The following ADGRF3 variants were observed in gnomAD, a reference collection of about 807,000 sequenced individuals.
ADGRF3 encodes adhesion G protein-coupled receptor F3.
ADGRF3 carries 85 observed loss-of-function variants against 93.2 expected under a neutral mutation model. The ratio of observed to expected loss-of-function variants is 0.91; its 90% CI spans 0.77 to 1.09. The LOEUF (loss-of-function observed/expected upper bound fraction) is 1.09. Among genes scored for constraint, ADGRF3 ranks in the 50% least tolerant of loss-of-function variants. The pLI, the probability that ADGRF3 is intolerant of heterozygous loss-of-function variation, is 0.00. For synonymous variants in ADGRF3, 534 were observed against 532.5 expected (o/e 1.00, Z -0.04); for missense variants, 1,125 against 1,246.2 (o/e 0.90, Z 1.46).
rs376862993 is a variant in ADGRF3 at position 26,346,206 on chromosome 2, G to T, written c.29C>A (p.Ser10Ter). MTTRKLSAH[S>*]AATPGYKAVT... ...AGCCTTGTAGCCGGGAGTCGCTGCC[G>T]AGTGGGCGCTCAGTTTTCGGGTCGT... Residue 10 changes from serine (S) to a stop codon, truncating the protein, a stop_gained, in exon 1 of 14, where the codon TCG (serine) becomes TAG (stop). Transcript: ENST00000651242. LOFTEE classifies it high-confidence loss of function. 1.9e-6 allele frequency: 3 copies of T among 1,613,582 alleles called. No individual in the cohort carries two copies. The highest frequency in any genetic ancestry group is 2.2e-5 in the South Asian group (2 of 91,024).
chr2:26,319,966 T>G (rs1224593001), intron 1 of ADGRF3, among the ~76,000 whole-genome samples: 1 of 152,210 alleles, frequency 6.6e-6, no homozygotes, highest in Non-Finnish European at 1.5e-5. Flanking sequence ...TAAAATAATT[T>G]TAAACTGCGG....
chr2:26,328,018 G>A (rs1317951799), intron 1 of ADGRF3, among the ~76,000 whole-genome samples: 1 of 152,112 alleles, frequency 6.6e-6, no homozygotes, highest in African/African-American at 2.4e-5. Flanking sequence ...TAGAAAAGTG[G>A]TCATTATATT....
In ADGRF3 at chr2:26,346,448, C is replaced by T. The variant is rs957855031; in HGVS notation, c.-214G>A. On this transcript the variant is annotated 5_prime_UTR_variant, in exon 1 of 14. Coordinates refer to ENST00000651242, the MANE Select transcript of ADGRF3 (RefSeq NM_001321971.2). ...CCTGCGGGTCCTGGGGATTGGGGGT[C>T]GGGGAGCGTGGGAGCATCCTAAGCC... 1.0e-5 allele frequency: 9 copies of T among 900,570 alleles called. No individual in the cohort carries two copies. The highest frequency in any genetic ancestry group is 1.4e-5 in the Non-Finnish European group (9 of 632,088). 55.8% of individuals were successfully genotyped at this position (900,570 alleles called of 1,614,324 possible). A position where few individuals can be genotyped will look rare whatever the true frequency, so the allele number is the denominator to read the frequency against.
At chr2:26,334,217 G>T (rs906657075) in intron 1 of ADGRF3, among the ~76,000 whole-genome samples, 1 of 151,352 alleles carries the variant, frequency 6.6e-6, no homozygotes, top group African/African-American at 2.4e-5. Context: ...CTACTTGGGA[G>T]GCTAAGGCAG....
chr2:26,320,163 A>G (rs1675066266), intron 1 of ADGRF3, among the ~76,000 whole-genome samples: 7 of 152,236 alleles, frequency 4.6e-5, no homozygotes, highest in Admixed American at 2.0e-4. Context: ...AAAATAGGCA[A>G]AAGATGGGAA....
chr2:26,313,965 G>C (rs1362943058), intron 6 of ADGRF3, 62 bp from the exon 7 acceptor site: 3 of 1,585,518 alleles, frequency 1.9e-6, no homozygotes, highest in African/African-American at 1.3e-5. Flanking sequence ...AACCCAGCAG[G>C]CTCTGACATG....
intron 1 of ADGRF3, chr2:26,319,112 G>T (rs982159311): frequency 2.0e-6 from 3 of 1,506,624 alleles, no homozygotes; most frequent in Non-Finnish European, 2.7e-6. Context: ...AGCTGGCAGG[G>T]CAGTGTGCAG....
At chr2:26,345,384 C>A (rs2147936134) in intron 1 of ADGRF3, among the ~76,000 whole-genome samples, 1 of 152,268 alleles carries the variant, frequency 6.6e-6, no homozygotes, top group East Asian at 1.9e-4. Context: ...ACTGAGAGAT[C>A]ACTGCTTTTA....
At chr2:26,317,193 G>A (rs1674778357) in intron 2 of ADGRF3, 138 bp from the exon 3 acceptor site, 1 of 918,072 alleles carries the variant, frequency 1.1e-6, no homozygotes, top group Admixed American at 2.8e-5. Context: ...GGTGCATATA[G>A]ACAGGGCTCA....
In ADGRF3 at chr2:26,313,450, G is replaced by A. The variant is rs1188403415; in HGVS notation, c.1196C>T (p.Ala399Val). 6.2e-7 allele frequency: 1 copy of A among 1,610,576 alleles called. No homozygotes were observed. Among genetic ancestry groups the A allele is most frequent in the Non-Finnish European group, 8.5e-7 (1 of 1,178,540 alleles). Residue 399 changes from alanine (A) to valine (V), a missense_variant, in exon 8 of 14, where the codon GCT becomes GTT. Coordinates refer to ENST00000651242, the MANE Select transcript of ADGRF3 (RefSeq NM_001321971.2). Reference sequence around the variant, plus strand: ...GTGGACCGGCCCCCAGACTCCGTCAGCCCCACAGAGCCTCCTCACTATGCC... The same window carrying A: ...GTGGACCGGCCCCCAGACTCCGTCAACCCCACAGAGCCTCCTCACTATGCC... ...KRGIVRRLCG[A>V]DGVWGPVHSS...
In ADGRF3 at chr2:26,346,245, G is replaced by A. The variant is rs774404691; in HGVS notation, c.-11C>T. ...TTTTCGGGTCGTCATGGCTGGCTAC[G>A]AATACGTGAGCCCGGAGCAGCTGGC... On this transcript the variant is annotated 5_prime_UTR_variant, in exon 1 of 14. Coordinates refer to ENST00000651242, the MANE Select transcript of ADGRF3 (RefSeq NM_001321971.2). 6 of 1,613,610 alleles carry A rather than the reference G, an allele frequency of 3.7e-6. No homozygotes were observed. Among genetic ancestry groups the A allele is most frequent in the Non-Finnish European group, 5.1e-6 (6 of 1,179,630 alleles).
rs1674034764 is a variant in ADGRF3, at chr2:26,310,931, C to A, written c.2593G>T (p.Val865Leu). 6.2e-7 allele frequency: 1 copy of A among 1,613,360 alleles called. No homozygotes were observed. Among genetic ancestry groups the A allele is most frequent in the South Asian group, 1.1e-5 (1 of 90,982 alleles). ...CCATTCACGCCTATGATGGCCAGCA[C>A]TGGCCCCACGAAGGTGTATAACGCC... is the stretch of plus-strand genomic sequence containing the variant. ...GGALYTFVGP[V>L]LAIIGVNGLV... The change falls in exon 10 of 14, where the codon GTG becomes TTG. Residue 865 changes from valine (V) to leucine (L), a missense_variant. By Grantham distance (32) the Val-to-Leu change is conservative. Transcript: ENST00000651242.
intron 1 of ADGRF3, among the ~76,000 whole-genome samples, chr2:26,331,630 G>A (rs1313741241): frequency 2.6e-5 from 4 of 152,170 alleles, no homozygotes; most frequent in Non-Finnish European, 5.9e-5. Flanking sequence ...CTTGGGAGGC[G>A]GAGGTGGGAG....
intron 4 of ADGRF3, 27 bp from the exon 5 acceptor site, chr2:26,315,767 C>G (rs1674597571): frequency 6.4e-7 from 1 of 1,550,396 alleles, no homozygotes; most frequent in Non-Finnish European, 8.7e-7. Context: ...GACAGGGGAC[C>G]CTGGAGGAGG....
At chr2:26,344,443 CG>C (rs1217652798) in intron 1 of ADGRF3, among the ~76,000 whole-genome samples, 3 of 152,110 alleles carry the variant, frequency 2.0e-5, no homozygotes, top group African/African-American at 7.2e-5. Context: ...CGCGCCTGGC[CG>C]AGACTCTCAT....
At chr2:26,312,184 A>G in intron 9 of ADGRF3, 110 bp from the exon 10 acceptor site, 1 of 1,103,482 alleles carries the variant, frequency 9.1e-7, no homozygotes, top group South Asian at 1.5e-5. Flanking sequence ...CCAGTGTGCG[A>G]CCCAAGGTTG....
At position 26,346,495 on chromosome 2, in the gene ADGRF3, C is replaced by G; in HGVS notation, c.-261G>C. On this transcript the variant is annotated 5_prime_UTR_variant, in exon 1 of 14. Coordinates refer to ENST00000651242, the MANE Select transcript of ADGRF3 (RefSeq NM_001321971.2). ...AGCCCGCCGCCCGTAGTCGGCACCCCCCGGGAGATTTCCTTTTCCTTAGGA... is the reference window on the plus strand; with the variant it reads ...AGCCCGCCGCCCGTAGTCGGCACCCGCCGGGAGATTTCCTTTTCCTTAGGA... 1.9e-6 allele frequency: 1 copy of G among 532,700 alleles called. No homozygotes were observed. Among genetic ancestry groups the G allele is most frequent in the Non-Finnish European group, 3.2e-6 (1 of 312,968 alleles). 33.0% of individuals were successfully genotyped at this position (532,700 alleles called of 1,614,324 possible). A position where few individuals can be genotyped will look rare whatever the true frequency, so the allele number is the denominator to read the frequency against.
chr2:26,319,820 C>G (rs975671096), intron 1 of ADGRF3, among the ~76,000 whole-genome samples: 2 of 152,050 alleles, frequency 1.3e-5, no homozygotes, highest in Non-Finnish European at 2.9e-5. Flanking sequence ...GCCTCAAACT[C>G]TTGGGCTCAA....
At position 26,315,587 on chromosome 2, in the gene ADGRF3, A is replaced by G; in HGVS notation, c.653T>C (p.Val218Ala). The G allele has an allele frequency of 6.4e-7, 1 of 1,551,616 alleles. No individual in the cohort carries two copies. The highest frequency in any genetic ancestry group is 8.7e-7 in the Non-Finnish European group (1 of 1,147,000). The change falls in exon 5 of 14, where the codon GTG becomes GCG. Residue 218 changes from valine (V) to alanine (A), a missense_variant. Transcript: ENST00000651242. The stretch of plus-strand genomic sequence containing the variant: ...CTGGCCGTGGCTGGAAGTCACAGAC[A>G]CCTGTGTCCCTGGCTGCAGGAGGAT... Reference protein sequence around the residue: ...SPILLQPGTQVSVTSSHGQAA... With the variant: ...SPILLQPGTQASVTSSHGQAA...
Sources: gnomAD v4.1 joint callset for allele counts (sites outside exome capture counted in the v4.1 genomes callset) on GRCh38, gnomAD v4.1.1 for gene constraint, MANE v1.5 for transcripts, NCBI Gene and HGNC (gene_info 2026-07-23, HGNC 2026-07-21) for gene names.